Variants in EYS observed in about 807,000 individuals in gnomAD.
The protein encoded by EYS is EGF-like photoreceptor maintenance factor, also known as protein eyes shut homolog.
EYS carries 250 observed loss-of-function variants against 282.1 expected under a neutral mutation model. The ratio of observed to expected loss-of-function variants is 0.89; its 90% CI spans 0.80 to 0.98. The LOEUF is 0.98. Among genes scored for constraint, EYS ranks in the 50% least tolerant of loss-of-function variants. The pLI is 0.00. For missense variants in EYS, 4,016 were observed against 3,709.0 expected, an observed-to-expected ratio of 1.08 and a Z score of -2.15; for synonymous variants, 1,355 against 1,282.9, an observed-to-expected ratio of 1.06 and a Z score of -1.20.
chr6:64,795,474 T>C (rs1326246114), intron 22 of EYS, among the ~76,000 whole-genome samples: 1 of 152,182 alleles, frequency 6.6e-6, no homozygotes, highest in Non-Finnish European at 1.5e-5. Context: ...CTACATATCA[T>C]GCCACATTTT....
At chr6:65,368,394 A>C (rs1765002590) in intron 8 of EYS, among the ~76,000 whole-genome samples, 1 of 151,624 alleles carries the variant, frequency 6.6e-6, no homozygotes, top group Non-Finnish European at 1.5e-5. Flanking sequence ...GATTTCTATT[A>C]ATCTTCTCAG....
intron 2 of EYS, among the ~76,000 whole-genome samples, chr6:65,595,397 AACATGGAACATGTAT>A (rs1765370869): frequency 6.6e-6 from 1 of 152,020 alleles, no homozygotes; most frequent in African/African-American, 2.4e-5. Flanking sequence ...GCAGCACACC[AACATGGAACATGTAT>A]ACATATGTAA....
At chr6:63,991,255 G>C (rs1048594765) in intron 34 of EYS, among the ~76,000 whole-genome samples, 1 of 151,646 alleles carries the variant, frequency 6.6e-6, no homozygotes, top group Non-Finnish European at 1.5e-5. Flanking sequence ...TGTACAAAAA[G>C]CCAGTCCAAA....
At chr6:64,723,402 A>G (rs1771651212) in intron 22 of EYS, among the ~76,000 whole-genome samples, 1 of 152,208 alleles carries the variant, frequency 6.6e-6, no homozygotes, top group South Asian at 2.1e-4. Context: ...GTATAGATGA[A>G]ACTAAAAACG....
intron 21 of EYS, among the ~76,000 whole-genome samples, chr6:64,818,810 G>C (rs890578614): frequency 2.6e-5 from 4 of 152,074 alleles, no homozygotes; most frequent in African/African-American, 9.7e-5. Flanking sequence ...GAGTGGGTCT[G>C]TCTTTCCCAG....
intron 5 of EYS, among the ~76,000 whole-genome samples, chr6:65,454,370 TTG>T (rs1764524610): frequency 6.6e-6 from 1 of 151,972 alleles, no homozygotes; most frequent in Admixed American, 6.6e-5. Flanking sequence ...ATTTGTTCTT[TTG>T]CTGTTAAATT....
At chr6:65,371,741 C>CTCTGTGTG (rs1335075948) in intron 8 of EYS, among the ~76,000 whole-genome samples, 11 of 70,276 alleles carry the variant, frequency 1.6e-4, no homozygotes, top group South Asian at 6.3e-4. Context: ...CTCTCTCTCT[C>CTCTGTGTG]TGTGTGTGTG....
At chr6:64,217,590 C>T (rs1562258001) in intron 31 of EYS, among the ~76,000 whole-genome samples, 1 of 152,082 alleles carries the variant, frequency 6.6e-6, no homozygotes, top group Non-Finnish European at 1.5e-5. Flanking sequence ...AGAGTGGATT[C>T]ATTTACATCT....
chr6:63,793,310 C>T (rs1223098999), intron 37 of EYS, among the ~76,000 whole-genome samples: 3 of 152,120 alleles, frequency 2.0e-5, no homozygotes, highest in Non-Finnish European at 1.5e-5. Flanking sequence ...TCATCAGTAG[C>T]CAAAGGTCGA....
At chr6:63,740,720 T>G (rs1769054276) in intron 41 of EYS, among the ~76,000 whole-genome samples, 2 of 152,226 alleles carry the variant, frequency 1.3e-5, no homozygotes, top group African/African-American at 4.8e-5. Flanking sequence ...TAGTTGATAC[T>G]TTTATTGTTA....
At chr6:65,071,752 C>T (rs538588311) in intron 12 of EYS, among the ~76,000 whole-genome samples, 1 of 151,894 alleles carries the variant, frequency 6.6e-6, no homozygotes, top group South Asian at 2.1e-4. Context: ...AGTAAATCAA[C>T]TTGAGAACAG....
intron 24 of EYS, among the ~76,000 whole-genome samples, chr6:64,613,734 C>T (rs1201370107): frequency 6.6e-6 from 1 of 152,090 alleles, no homozygotes; most frequent in Non-Finnish European, 1.5e-5. Context: ...GGGGAGCCCA[C>T]TCTTAGGGAA....
rs963551759 is a variant in EYS at position 64,822,644 on chromosome 6, T to A, written c.3164+7A>T. ...TTCATAAAGCTAATAATAAAAAAAA[T>A]AGCTACCTTCCATGTAGACAAGGAT... On this transcript the variant is annotated splice_region_variant and intron_variant, in intron 20 of 42. Transcript: ENST00000503581. 2.8e-5 allele frequency: 42 copies of A among 1,517,210 alleles called. No individual in the cohort carries two copies. Among genetic ancestry groups the A allele is most frequent in the Middle Eastern group, 1.7e-4 (1 of 5,918 alleles). The allele number at this position is 1,517,210 out of a possible 1,614,324, so 94.0% of individuals were successfully genotyped here.
At chr6:64,248,839 T>G (rs1767106981) in intron 30 of EYS, among the ~76,000 whole-genome samples, 1 of 151,978 alleles carries the variant, frequency 6.6e-6, no homozygotes, top group South Asian at 2.1e-4. Flanking sequence ...CGAATTGTGT[T>G]GAGCTCAGGA....
At chr6:63,994,780 A>G (rs928155875) in intron 34 of EYS, among the ~76,000 whole-genome samples, 37 of 151,960 alleles carry the variant, frequency 2.4e-4, no homozygotes, top group Non-Finnish European at 4.3e-4. Context: ...AAATCCCTTT[A>G]TTGTATAAGA....
chr6:64,981,343 G>C (rs1381257147), intron 14 of EYS, among the ~76,000 whole-genome samples: 1 of 151,182 alleles, frequency 6.6e-6, no homozygotes, highest in African/African-American at 2.4e-5. Flanking sequence ...CCTCTTTTTA[G>C]AGTAAAAATC....
intron 31 of EYS, among the ~76,000 whole-genome samples, chr6:64,172,968 C>T (rs1261189564): frequency 6.6e-6 from 1 of 152,120 alleles, no homozygotes. Flanking sequence ...TCCCTGTTGT[C>T]AAAAAGTTTG....
At position 64,388,693 on chromosome 6, in the gene EYS, G is replaced by C. The variant is rs1329795674; in HGVS notation, c.6075C>G (p.Ile2025Met). ...IGGFPDLHGKIQMPVPVKNFT... is the reference protein window; with the variant it reads ...IGGFPDLHGKMQMPVPVKNFT... ...TTTAAAACATCTATAGAAATACCTG[G>C]ATTTTCCCATGAAGGTCTGGAAATC... The change falls in exon 29 of 43, where the codon ATC (isoleucine) becomes ATG (methionine). Residue 2025 changes from isoleucine to methionine, a missense_variant. Physicochemically the swap from Ile to Met is conservative, Grantham distance 10. Transcript: ENST00000503581. 1 of 1,528,204 alleles carries C rather than the reference G, an allele frequency of 6.5e-7. No homozygotes were observed. The highest frequency in any genetic ancestry group is 2.5e-5 in the East Asian group (1 of 39,818). 94.7% of individuals were successfully genotyped at this position (1,528,204 alleles called of 1,614,324 possible).
In EYS at chr6:64,770,055, A is replaced by G. The variant is rs541581969; in HGVS notation, c.3443+43323T>C. On this transcript the variant is annotated intron_variant, in intron 22 of 42. Transcript: ENST00000503581. The stretch of plus-strand genomic sequence containing the variant: ...TATATTCCTTTACATAAGTTTGACA[A>G]TGACTTCAACAACAGAAATTGCTTG... Among the ~76,000 whole-genome samples, 179 of 151,908 alleles carry G rather than the reference A, an allele frequency of 1.2e-3. 1 individual carries two copies. Among genetic ancestry groups the G allele is most frequent in the Non-Finnish European group, 2.1e-3 (144 of 67,936 alleles).
Sources: gnomAD v4.1 joint callset for allele counts (sites outside exome capture counted in the v4.1 genomes callset) on GRCh38, gnomAD v4.1.1 for gene constraint, MANE v1.5 for transcripts, NCBI Gene and HGNC (gene_info 2026-07-23, HGNC 2026-07-21) for gene names.